The following CRPPA variants were observed in gnomAD, a reference collection of about 807,000 sequenced individuals.
CRPPA encodes the protein CDP-L-ribitol pyrophosphorylase A.
CRPPA carries 43 observed loss-of-function variants against 52.0 expected under a neutral mutation model. That is an observed-to-expected ratio of 0.83 (90% CI 0.65 to 1.07). CRPPA has a LOEUF of 1.07. Ranked by LOEUF, CRPPA falls within the 50% of genes least tolerant of loss-of-function variation. The pLI, the probability that CRPPA is intolerant of heterozygous loss-of-function variation, is 0.00. For synonymous variants in CRPPA, 250 were observed against 203.5 expected (o/e 1.23, Z -1.94); for missense variants, 629 against 551.7 (o/e 1.14, Z -1.40).
At chr7:16,286,267 G>C (rs1033394719) in intron 5 of CRPPA, among the ~76,000 whole-genome samples, 1 of 150,516 alleles carries the variant, frequency 6.6e-6, no homozygotes, top group East Asian at 2.0e-4. Flanking sequence ...TATTTAACTA[G>C]GTAGAATGAA....
intron 9 of CRPPA, among the ~76,000 whole-genome samples, chr7:16,137,311 T>C (rs1340120353): frequency 1.3e-5 from 2 of 152,226 alleles, no homozygotes; most frequent in African/African-American, 4.8e-5. Context: ...GACCTTGAAC[T>C]TCCCAGCTTC....
chr7:16,376,210 G>A lies in CRPPA; in HGVS notation c.566C>T (p.Thr189Ile). ...AAGAIRPLVS[T>I]VVSPSADGCL... ...ACCATCAGCAGATGGACTGACGACAGTAGATACAAGAGGTCGAATGGCTCC... is the reference window on the plus strand; with the variant it reads ...ACCATCAGCAGATGGACTGACGACAATAGATACAAGAGGTCGAATGGCTCC... Residue 189 changes from threonine to isoleucine, a missense_variant, in exon 3 of 10, where the codon ACT (threonine) becomes ATT (isoleucine). Coordinates refer to ENST00000407010, the MANE Select transcript of CRPPA (RefSeq NM_001101426.4). 6.2e-7 allele frequency: 1 copy of A among 1,611,632 alleles called. No homozygotes were observed. The highest frequency in any genetic ancestry group is 8.5e-7 in the Non-Finnish European group (1 of 1,178,938).
intron 8 of CRPPA, among the ~76,000 whole-genome samples, chr7:16,234,199 C>A (rs931811915): frequency 2.6e-5 from 4 of 151,978 alleles, no homozygotes; most frequent in Admixed American, 6.6e-5. Flanking sequence ...AAAATTTATT[C>A]TGGGTTAAAT....
intron 9 of CRPPA, among the ~76,000 whole-genome samples, chr7:16,112,449 C>CA (rs1481788840): frequency 1.3e-5 from 2 of 151,678 alleles, no homozygotes; most frequent in East Asian, 1.9e-4. Flanking sequence ...AAAAGAACAG[C>CA]AAAAAAGAAG....
chr7:16,154,373 G>A (rs1229561513), intron 9 of CRPPA, among the ~76,000 whole-genome samples: 1 of 152,026 alleles, frequency 6.6e-6, no homozygotes, highest in South Asian at 2.1e-4. Context: ...AGACCCTGGT[G>A]TGTGTGTTCC....
At chr7:16,146,392 T>C (rs1397414393) in intron 9 of CRPPA, among the ~76,000 whole-genome samples, 2 of 152,024 alleles carry the variant, frequency 1.3e-5, no homozygotes, top group African/African-American at 2.4e-5. Context: ...GTTCTCCAAC[T>C]TGAAACAAAA....
intron 5 of CRPPA, among the ~76,000 whole-genome samples, chr7:16,279,215 C>T (rs181401807): frequency 6.6e-6 from 1 of 152,112 alleles, no homozygotes; most frequent in African/African-American, 2.4e-5. Flanking sequence ...AAAATAGGGC[C>T]CATATAAATC....
chr7:16,100,409 A>G (rs1364455316), intron 9 of CRPPA, among the ~76,000 whole-genome samples: 1 of 152,200 alleles, frequency 6.6e-6, no homozygotes, highest in Non-Finnish European at 1.5e-5. Context: ...AACTTTTCCA[A>G]ATTCTAAACT....
chr7:16,093,293 G>T (rs995393784), intron 9 of CRPPA, among the ~76,000 whole-genome samples: 1 of 152,126 alleles, frequency 6.6e-6, no homozygotes, highest in African/African-American at 2.4e-5. Context: ...CACCCTTTTA[G>T]TTGAGCTCAG....
intron 9 of CRPPA, among the ~76,000 whole-genome samples, chr7:16,148,542 A>G (rs1456537433): frequency 6.6e-6 from 1 of 152,174 alleles, no homozygotes; most frequent in Non-Finnish European, 1.5e-5. Context: ...GCACAAAAAA[A>G]GGAAAAACTA....
At chr7:16,123,397 CA>C (rs1220309222) in intron 9 of CRPPA, among the ~76,000 whole-genome samples, 1 of 151,858 alleles carries the variant, frequency 6.6e-6, no homozygotes, top group Non-Finnish European at 1.5e-5. Context: ...CAGATAAGTC[CA>C]AAGGCAAACT....
At chr7:16,195,115 A>G (rs1232792315) in intron 9 of CRPPA, among the ~76,000 whole-genome samples, 2 of 152,088 alleles carry the variant, frequency 1.3e-5, no homozygotes, top group African/African-American at 4.8e-5. Context: ...ACCCAAATCA[A>G]AGTAAACCAC....
At chr7:16,313,652 T>G (rs1228497664) in intron 3 of CRPPA, among the ~76,000 whole-genome samples, 1 of 152,032 alleles carries the variant, frequency 6.6e-6, no homozygotes, top group Non-Finnish European at 1.5e-5. Flanking sequence ...TTTTAACATA[T>G]GCATTCAATG....
At chr7:16,150,734 G>T (rs1783061613) in intron 9 of CRPPA, among the ~76,000 whole-genome samples, 2 of 152,150 alleles carry the variant, frequency 1.3e-5, no homozygotes, top group African/African-American at 4.8e-5. Context: ...GAGACTGGGT[G>T]ATTTATAAAG....
intron 8 of CRPPA, among the ~76,000 whole-genome samples, chr7:16,250,168 T>G (rs553394880): frequency 1.3e-5 from 2 of 152,080 alleles, no homozygotes; most frequent in South Asian, 2.1e-4. Context: ...AAGACAAGAT[T>G]AGAGAAAACA....
chr7:16,337,293 AAGTC>A (rs1160996960), intron 3 of CRPPA, among the ~76,000 whole-genome samples: 2 of 152,158 alleles, frequency 1.3e-5, no homozygotes, highest in Admixed American at 1.3e-4. Flanking sequence ...ATAAAACTAA[AAGTC>A]AGTAACAGTT....
chr7:16,249,370 G>A (rs991646784), intron 8 of CRPPA, among the ~76,000 whole-genome samples: 2 of 152,160 alleles, frequency 1.3e-5, no homozygotes, highest in Non-Finnish European at 2.9e-5. Context: ...CCCAGCATTC[G>A]AGCTCTAATA....
At chr7:16,302,124 G>A (rs577931054) in intron 4 of CRPPA, among the ~76,000 whole-genome samples, 20 of 151,946 alleles carry the variant, frequency 1.3e-4, no homozygotes, top group African/African-American at 4.6e-4. Context: ...GTGAAACCCC[G>A]TCTCTACTAA....
At chr7:16,155,400 TCTATG>T (rs1330642710) in intron 9 of CRPPA, among the ~76,000 whole-genome samples, 1 of 152,148 alleles carries the variant, frequency 6.6e-6, no homozygotes, top group South Asian at 2.1e-4. Context: ...ACAACATAAG[TCTATG>T]CAGGTCCACT....
Sources: allele counts gnomAD v4.1 joint callset (sites outside exome capture counted in the v4.1 genomes callset), GRCh38; gene constraint gnomAD v4.1.1; transcripts MANE v1.5; gene names NCBI Gene and HGNC (gene_info 2026-07-23, HGNC 2026-07-21).